The following NOSTRIN variants were observed in gnomAD, a reference collection of about 807,000 sequenced individuals.
NOSTRIN encodes BM247 homolog.
NOSTRIN carries 63 observed loss-of-function variants against 59.0 expected under a neutral mutation model. That is an observed-to-expected ratio of 1.07 (90% confidence interval 0.87 to 1.32). The LOEUF is 1.32. Among genes scored for constraint, NOSTRIN ranks in the 40% most tolerant of loss-of-function variants. The pLI is 0.00. For missense variants in NOSTRIN, 512 were observed against 473.1 expected (o/e 1.08, Z -0.76); for synonymous variants, 200 against 165.4 (o/e 1.21, Z -1.61).
chr2:168,854,018 C>T (rs1688932296), intron 10 of NOSTRIN, among the ~76,000 whole-genome samples: 1 of 152,162 alleles, frequency 6.6e-6, no homozygotes, highest in African/African-American at 2.4e-5. Flanking sequence ...CAGGTGCACA[C>T]CACCACGCCC....
At chr2:168,800,057 A>G (rs994313770), upstream of NOSTRIN, among the ~76,000 whole-genome samples, 2 of 151,892 alleles carry the variant, frequency 1.3e-5, no homozygotes, top group African/African-American at 2.4e-5. Flanking sequence ...GAGCTCTTCC[A>G]CTCACTCTTG....
intron 6 of NOSTRIN, chr2:168,834,008 G>A (rs903857109): frequency 3.2e-5 from 15 of 465,150 alleles, no homozygotes; most frequent in African/African-American, 2.0e-4. Flanking sequence ...GGAGTTCTCC[G>A]GACAAAGTGT....
intron 6 of NOSTRIN, among the ~76,000 whole-genome samples, chr2:168,833,776 C>A (rs1008387723): frequency 2.6e-5 from 4 of 151,030 alleles, no homozygotes; most frequent in Admixed American, 2.0e-4. Flanking sequence ...AGAATTGTGA[C>A]CCTTGCTGCA....
chr2:168,822,564 GA>G (rs1353221175), intron 2 of NOSTRIN, among the ~76,000 whole-genome samples: 1 of 152,116 alleles, frequency 6.6e-6, no homozygotes, highest in African/African-American at 2.4e-5. Flanking sequence ...TTAACAGACT[GA>G]AAAATGCAAT....
intron 8 of NOSTRIN, among the ~76,000 whole-genome samples, chr2:168,849,339 CTT>C (rs1688610186): frequency 6.6e-6 from 1 of 151,818 alleles, no homozygotes; most frequent in Non-Finnish European, 1.5e-5. Flanking sequence ...TGTATTTTTT[CTT>C]TCTTTCTTTC....
In NOSTRIN at chr2:168,848,659, A is replaced by T. The variant is rs193189875; in HGVS notation, c.631-2425A>T. 5.4e-4 allele frequency among the ~76,000 whole-genome samples: 82 copies of T among 152,386 alleles called. 2 individuals carry two copies. Among genetic ancestry groups the T allele is most frequent in the Admixed American group, 4.5e-3 (69 of 15,306 alleles). On this transcript the variant is annotated intron_variant, in intron 8 of 15. Coordinates refer to ENST00000317647, the MANE Select transcript of NOSTRIN (RefSeq NM_001039724.4). ...TACAACATGGATGAACCTTGCAGAC[A>T]TTATGCTAAGTGAAATAGCCAGATG...
intron 11 of NOSTRIN, chr2:168,856,117 C>A: frequency 1.5e-5 from 3 of 206,286 alleles, no homozygotes; most frequent in South Asian, 6.6e-5. Flanking sequence ...TAGAATGGGT[C>A]GACTGAAAGA....
At chr2:168,845,968 C>G (rs951724745) in intron 8 of NOSTRIN, among the ~76,000 whole-genome samples, 2 of 152,046 alleles carry the variant, frequency 1.3e-5, no homozygotes, top group African/African-American at 4.8e-5. Context: ...TTCTCCTACC[C>G]CACCTTCCTC....
At chr2:168,825,553 G>A (rs916998488) in intron 3 of NOSTRIN, among the ~76,000 whole-genome samples, 1 of 152,014 alleles carries the variant, frequency 6.6e-6, no homozygotes, top group South Asian at 2.1e-4. Flanking sequence ...TGTGTGTGTG[G>A]GCATATTAAA....
intron 1 of NOSTRIN, 23 bp downstream of exon 1, chr2:168,802,696 T>C (rs547920312): frequency 2.7e-5 from 23 of 867,126 alleles, no homozygotes; most frequent in Non-Finnish European, 4.4e-5. Context: ...GTGTGGTTTG[T>C]GTGCCTGCGT....
chr2:168,837,045 A>T (rs1297595019), intron 7 of NOSTRIN, among the ~76,000 whole-genome samples: 1 of 152,002 alleles, frequency 6.6e-6, no homozygotes, highest in African/African-American at 2.4e-5. Flanking sequence ...TTGCATTCTC[A>T]CGTGGTGGAA....
chr2:168,792,492 C>G (rs1685383279), intron 2 of NOSTRIN, among the ~76,000 whole-genome samples: 1 of 152,016 alleles, frequency 6.6e-6, no homozygotes, highest in Non-Finnish European at 1.5e-5. Context: ...CTCTGTCACC[C>G]AGGCTGGAGT....
intron 2 of NOSTRIN, among the ~76,000 whole-genome samples, chr2:168,822,138 T>C (rs1411517273): frequency 6.6e-6 from 1 of 152,142 alleles, no homozygotes; most frequent in Non-Finnish European, 1.5e-5. Flanking sequence ...TGGGACATAT[T>C]CCTAGAGCAG....
intron 10 of NOSTRIN, among the ~76,000 whole-genome samples, chr2:168,851,838 G>C (rs1392865308): frequency 6.6e-6 from 1 of 151,876 alleles, no homozygotes; most frequent in Non-Finnish European, 1.5e-5. Context: ...GAATTCAGTT[G>C]TGTCTTAGCC....
chr2:168,839,486 C>T (rs981122957), intron 7 of NOSTRIN, among the ~76,000 whole-genome samples: 4 of 152,038 alleles, frequency 2.6e-5, no homozygotes, highest in African/African-American at 4.8e-5. Context: ...ACATGACACA[C>T]GGAAGGCCCT....
At chr2:168,843,997 A>G (rs1490938534) in intron 8 of NOSTRIN, among the ~76,000 whole-genome samples, 1 of 152,254 alleles carries the variant, frequency 6.6e-6, no homozygotes, top group African/African-American at 2.4e-5. Context: ...CGCATTTGGA[A>G]AGTGAACTAA....
intron 15 of NOSTRIN, among the ~76,000 whole-genome samples, chr2:168,862,912 C>T (rs983037830): frequency 6.6e-6 from 1 of 152,166 alleles, no homozygotes; most frequent in Admixed American, 6.5e-5. Flanking sequence ...AATCAAGATA[C>T]ATTTTGTAGC....
Position 168,824,673 on chromosome 2 carries a change from AC to A in NOSTRIN, c.154del (p.Leu52TrpfsTer5), listed in dbSNP as rs1397243998. ...TTAGCTATGCCAAAGGACTTCAGAA[AC>A]TGGCAAGCAAGCTGAGCAAAGCATT... Reference protein sequence around the residue: ...EISYAKGLQKLASKLSKALQN... With the variant: ...EISYAKGLQKXASKLSKALQN... On this transcript the variant is annotated frameshift_variant, in exon 3 of 16. Transcript: ENST00000317647. LOFTEE classifies it high-confidence loss of function. The A allele has an allele frequency of 1.1e-6, 1 of 872,724 alleles. No individual in the cohort carries two copies. The highest frequency in any genetic ancestry group is 1.6e-5 in the African/African-American group (1 of 61,330). The allele number at this position is 872,724 out of a possible 1,614,324, so 54.1% of individuals were successfully genotyped here. A position where few individuals can be genotyped will look rare whatever the true frequency, so the allele number is the denominator to read the frequency against.
chr2:168,812,236 G>C (rs1213348357), intron 2 of NOSTRIN, among the ~76,000 whole-genome samples: 1 of 152,150 alleles, frequency 6.6e-6, no homozygotes, highest in African/African-American at 2.4e-5. Flanking sequence ...CCCAAGGAGT[G>C]AATTTGGTTA....
Sources: gnomAD v4.1 joint callset for allele counts (sites outside exome capture counted in the v4.1 genomes callset) on GRCh38, gnomAD v4.1.1 for gene constraint, MANE v1.5 for transcripts, NCBI Gene and HGNC (gene_info 2026-07-23, HGNC 2026-07-21) for gene names.